Variants in THSD7B observed in about 807,000 individuals in gnomAD.
THSD7B encodes thrombospondin type-1 domain-containing protein 7B.
A neutral mutation model predicts 213.6 loss-of-function variants in THSD7B; 138 were observed. The ratio of observed to expected loss-of-function variants is 0.65; its 90% confidence interval spans 0.56 to 0.74. The LOEUF is 0.74. Ranked by LOEUF, THSD7B falls within the 30% of genes least tolerant of loss-of-function variation. The probability of loss-of-function intolerance (pLI) is 0.00; values close to 1 mark genes in which losing one functional copy is unlikely to be tolerated. For synonymous variants in THSD7B, 742 were observed against 687.0 expected (o/e 1.08, Z -1.25); for missense variants, 1,931 against 1,991.5 (o/e 0.97, Z 0.58).
chr2:137,250,401 T>C (rs2105072537), intron 10 of THSD7B, among the ~76,000 whole-genome samples: 1 of 152,266 alleles, frequency 6.6e-6, no homozygotes, highest in African/African-American at 2.4e-5. Context: ...TATTTCAAAA[T>C]TGCCACCAGA....
intron 2 of THSD7B, among the ~76,000 whole-genome samples, chr2:137,011,137 C>T (rs1159425666): frequency 3.3e-5 from 5 of 152,052 alleles, no homozygotes; most frequent in Non-Finnish European, 7.4e-5. Context: ...ATATGACTTG[C>T]CAGAGCTGAA....
chr2:137,113,314 A>G (rs552278918), intron 4 of THSD7B, among the ~76,000 whole-genome samples: 56 of 152,350 alleles, frequency 3.7e-4, no homozygotes, highest in Non-Finnish European at 6.5e-4. Context: ...GTGAGGAGAA[A>G]GGGTTTCAGA....
At chr2:136,950,760 CACT>C (rs1219012599) in intron 2 of THSD7B, among the ~76,000 whole-genome samples, 26 of 152,220 alleles carry the variant, frequency 1.7e-4, no homozygotes, top group African/African-American at 6.3e-4. Context: ...TGGTGGTGTT[CACT>C]ACTATTTTGC....
chr2:137,078,118 C>T (rs1393881155), intron 3 of THSD7B, among the ~76,000 whole-genome samples: 1 of 152,122 alleles, frequency 6.6e-6, no homozygotes, highest in African/African-American at 2.4e-5. Context: ...TCAGGTTTGT[C>T]AAAGATCAGA....
chr2:136,991,010 C>T, intron 2 of THSD7B: 1 of 1,157,548 alleles, frequency 8.6e-7, no homozygotes, highest in Non-Finnish European at 1.2e-6. Flanking sequence ...AGGTGAATAC[C>T]TGTCCTCCCC....
At chr2:137,375,729 C>T (rs1199304331) in intron 12 of THSD7B, among the ~76,000 whole-genome samples, 2 of 152,114 alleles carry the variant, frequency 1.3e-5, no homozygotes, top group East Asian at 1.9e-4. Flanking sequence ...GTAGCAAATG[C>T]GTGGTCTCCA....
chr2:137,476,030 T>G (rs1573647413), intron 15 of THSD7B, among the ~76,000 whole-genome samples: 1 of 152,318 alleles, frequency 6.6e-6, no homozygotes, highest in East Asian at 1.9e-4. Flanking sequence ...AGGATGTTAC[T>G]GTACTTTTGC....
chr2:137,525,801 G>T (rs1335605483), intron 15 of THSD7B, among the ~76,000 whole-genome samples: 2 of 152,130 alleles, frequency 1.3e-5, no homozygotes, highest in Non-Finnish European at 2.9e-5. Flanking sequence ...GTCAGAGGGG[G>T]CTGAATAGGT....
chr2:136,935,413 G>C lies in THSD7B; in HGVS notation c.139+53096G>C, dbSNP rs546947035. Among the ~76,000 whole-genome samples, 8 of 152,230 alleles carry C rather than the reference G, an allele frequency of 5.3e-5. No individual in the cohort carries two copies. The East Asian group carries it at 1.5e-3, about 29-fold the overall frequency. ...GAGGAGACTCTATAGAAAGTGTTTA[G>C]CGCTTGCCAATAACAGAGTAGTTAT... On this transcript the variant is annotated intron_variant, in intron 2 of 27. Coordinates refer to ENST00000409968, the MANE Select transcript of THSD7B (RefSeq NM_001316349.2).
chr2:137,207,935 G>T (rs1282337636), intron 7 of THSD7B, among the ~76,000 whole-genome samples: 1 of 152,028 alleles, frequency 6.6e-6, no homozygotes, highest in African/African-American at 2.4e-5. Flanking sequence ...TTGCAGTAAA[G>T]AGTTTAATTA....
intron 2 of THSD7B, among the ~76,000 whole-genome samples, chr2:136,892,988 G>A (rs1270148294): frequency 6.6e-6 from 1 of 152,014 alleles, no homozygotes; most frequent in African/African-American, 2.4e-5. Flanking sequence ...GACCTTTACT[G>A]AGTTATATCA....
chr2:137,234,392 G>A (rs1335836530), intron 9 of THSD7B, among the ~76,000 whole-genome samples: 2 of 152,224 alleles, frequency 1.3e-5, no homozygotes, highest in Admixed American at 6.5e-5. Context: ...CTTTGGCCAT[G>A]TGTAAGGAAA....
chr2:137,616,333 T>C lies in THSD7B; in HGVS notation c.3565+17T>C. On this transcript the variant is annotated intron_variant, in intron 18 of 27. Coordinates refer to ENST00000409968, the MANE Select transcript of THSD7B (RefSeq NM_001316349.2). ...ATCTAACAGGTACAGTTAAAATCTA[T>C]GACCTTGTCGTTCTCCCTGAACATT... is the stretch of plus-strand genomic sequence containing the variant. 1 of 1,607,752 alleles carries C rather than the reference T, an allele frequency of 6.2e-7. No individual in the cohort carries two copies. Among genetic ancestry groups the C allele is most frequent in the Non-Finnish European group, 8.5e-7 (1 of 1,177,482 alleles).
At chr2:137,237,575 C>T (rs948668442) in intron 9 of THSD7B, among the ~76,000 whole-genome samples, 1 of 152,138 alleles carries the variant, frequency 6.6e-6, no homozygotes, top group Non-Finnish European at 1.5e-5. Context: ...ACAGCATGTG[C>T]GTGTATGTGC....
intron 12 of THSD7B, among the ~76,000 whole-genome samples, chr2:137,367,585 A>G (rs1232628804): frequency 3.3e-5 from 5 of 152,128 alleles, no homozygotes; most frequent in Non-Finnish European, 7.3e-5. Flanking sequence ...AAAATTCTGT[A>G]ATCTTTCTAA....
At chr2:137,280,567 G>C (rs1474997384) in intron 12 of THSD7B, among the ~76,000 whole-genome samples, 2 of 152,014 alleles carry the variant, frequency 1.3e-5, no homozygotes, top group Non-Finnish European at 2.9e-5. Flanking sequence ...ACAGCACATA[G>C]AGTTATAGCT....
intron 2 of THSD7B, among the ~76,000 whole-genome samples, chr2:137,019,679 C>G (rs755226009): frequency 1.3e-5 from 2 of 152,130 alleles, no homozygotes; most frequent in African/African-American, 4.8e-5. Flanking sequence ...TTCTTTGTAT[C>G]TATTTTTACC....
intron 12 of THSD7B, among the ~76,000 whole-genome samples, chr2:137,336,949 A>G (rs961550353): frequency 6.6e-6 from 1 of 152,026 alleles, no homozygotes; most frequent in African/African-American, 2.4e-5. Flanking sequence ...TCTATTTAAA[A>G]TACTTTAAAA....
intron 12 of THSD7B, among the ~76,000 whole-genome samples, chr2:137,366,140 G>A (rs1253246306): frequency 1.3e-5 from 2 of 151,998 alleles, no homozygotes; most frequent in Non-Finnish European, 2.9e-5. Context: ...CTATCGCAAG[G>A]ACAGAAACCC....
Sources: gnomAD v4.1 joint callset for allele counts (sites outside exome capture counted in the v4.1 genomes callset) on GRCh38, gnomAD v4.1.1 for gene constraint, MANE v1.5 for transcripts, NCBI Gene and HGNC (gene_info 2026-07-23, HGNC 2026-07-21) for gene names.